Variants in PDE8B observed in about 807,000 individuals in gnomAD.
PDE8B encodes the protein high affinity cAMP-specific and IBMX-insensitive 3',5'-cyclic phosphodiesterase 8B.
Under a neutral mutation model 101.3 loss-of-function variants are expected in PDE8B, and 26 were observed. The ratio of observed to expected loss-of-function variants is 0.26; its 90% CI spans 0.19 to 0.36. The LOEUF (loss-of-function observed/expected upper bound fraction) is 0.36, where lower values mean the gene tolerates loss of function less well. Ranked by LOEUF, PDE8B falls within the 10% of genes least tolerant of loss-of-function variation. The probability of loss-of-function intolerance (pLI) is 1.00; values close to 1 mark genes in which losing one functional copy is unlikely to be tolerated. For missense variants in PDE8B, 810 were observed against 1,163.1 expected (o/e 0.70, Z 4.42); for synonymous variants, 424 against 429.3 (o/e 0.99, Z 0.15).
At chr5:77,363,746 G>A (rs1783590372) in intron 10 of PDE8B, among the ~76,000 whole-genome samples, 1 of 152,042 alleles carries the variant, frequency 6.6e-6, no homozygotes, top group South Asian at 2.1e-4. Flanking sequence ...GTCATTGTAG[G>A]GAGAGATCCT....
intron 1 of PDE8B, among the ~76,000 whole-genome samples, chr5:77,256,793 T>C (rs976448206): frequency 3.3e-5 from 5 of 152,198 alleles, no homozygotes; most frequent in African/African-American, 1.2e-4. Flanking sequence ...TATTACATTT[T>C]AGGAAAAAAT....
intron 1 of PDE8B, among the ~76,000 whole-genome samples, chr5:77,254,778 T>TA (rs1758767340): frequency 6.6e-6 from 1 of 152,222 alleles, no homozygotes; most frequent in Non-Finnish European, 1.5e-5. Context: ...TGAAATGTCT[T>TA]ATGTTTTCCT....
At chr5:77,278,619 G>A (rs1297482263) in intron 1 of PDE8B, among the ~76,000 whole-genome samples, 2 of 151,982 alleles carry the variant, frequency 1.3e-5, no homozygotes, top group Non-Finnish European at 2.9e-5. Context: ...ACAGGCACCT[G>A]CCACCACGCC....
the PDE8B span, among the ~76,000 whole-genome samples, chr5:77,135,624 G>A: frequency 2.6e-5 from 4 of 151,972 alleles, no homozygotes; most frequent in African/African-American, 7.2e-5. Context: ...TTACAGGCAC[G>A]CGCCACCATG....
intron 10 of PDE8B, among the ~76,000 whole-genome samples, chr5:77,388,497 G>C (rs532041261): frequency 6.6e-6 from 1 of 152,328 alleles, no homozygotes; most frequent in African/African-American, 2.4e-5. Flanking sequence ...TCCTGTATGA[G>C]GTGTCTGTCG....
chr5:77,349,451 C>T lies in PDE8B; in HGVS notation c.909C>T (p.Gly303=), dbSNP rs755570947. Residue 303 remains glycine, a synonymous_variant, in exon 8 of 22, where the codon GGC becomes GGT. Transcript: ENST00000264917. Reference sequence around the variant, plus strand: ...ACCCAGCCTTCGAAAGGATGATGGGCTACCACAAAGGTGAGCTCCTGGGAA... The same window carrying T: ...ACCCAGCCTTCGAAAGGATGATGGGTTACCACAAAGGTGAGCTCCTGGGAA... ...YVNPAFERMM[G]YHKGELLGKE... 1.1e-5 allele frequency: 18 copies of T among 1,614,172 alleles called. No homozygotes were observed. In the East Asian group the frequency reaches 4.0e-4, roughly 36 times the overall value.
intron 12 of PDE8B, 35 bp downstream of exon 12, chr5:77,404,832 A>C (rs200548305): frequency 7.7e-7 from 1 of 1,298,048 alleles, no homozygotes; most frequent in East Asian, 2.3e-5. Context: ...GACCTTTTTA[A>C]AATGTAGAAA....
At chr5:77,295,492 T>C (rs1324354357) in intron 1 of PDE8B, among the ~76,000 whole-genome samples, 1 of 152,180 alleles carries the variant, frequency 6.6e-6, no homozygotes, top group Non-Finnish European at 1.5e-5. Flanking sequence ...GAATACCATT[T>C]CTCCTCTGCT....
intron 1 of PDE8B, chr5:77,291,800 G>T: frequency 1.3e-6 from 2 of 1,567,584 alleles, no homozygotes; most frequent in Non-Finnish European, 1.8e-6. Context: ...TCAAGTTTCA[G>T]TAAAGGTGTT....
chr5:77,297,561 T>C (rs1196208817), intron 1 of PDE8B, among the ~76,000 whole-genome samples: 3 of 152,194 alleles, frequency 2.0e-5, no homozygotes, highest in Admixed American at 6.5e-5. Context: ...ACGGGGATCA[T>C]TGCAGGAACT....
chr5:77,144,431 G>A, the PDE8B span: 1 of 152,118 alleles, frequency 6.6e-6, no homozygotes, highest in Non-Finnish European at 1.5e-5. Context: ...GGCTCCAAAC[G>A]GTAAATACAG....
chr5:77,346,187 T>G (rs534058747), intron 7 of PDE8B, among the ~76,000 whole-genome samples: 34 of 152,330 alleles, frequency 2.2e-4, no homozygotes, highest in South Asian at 6.2e-4. Flanking sequence ...ATATGTTTTA[T>G]GGCTGCCCCG....
chr5:77,225,897 C>A (rs1275539549), intron 1 of PDE8B, among the ~76,000 whole-genome samples: 1 of 150,864 alleles, frequency 6.6e-6, no homozygotes, highest in South Asian at 2.1e-4. Flanking sequence ...GCACACATCT[C>A]AGAATACCAG....
the PDE8B span, among the ~76,000 whole-genome samples, chr5:77,104,088 C>T: frequency 1.3e-5 from 2 of 152,138 alleles, no homozygotes; most frequent in African/African-American, 4.8e-5. Context: ...GAGGAAGTAC[C>T]CTTCCTTCCC....
chr5:77,088,759 T>A, the PDE8B span: 1 of 152,216 alleles, frequency 6.6e-6, no homozygotes, highest in Admixed American at 6.6e-5. Flanking sequence ...GTGTCTGGAG[T>A]TTATACGGGT....
At chr5:77,134,399 C>T in the PDE8B span, 1 of 152,244 alleles carries the variant, frequency 6.6e-6, no homozygotes, top group Non-Finnish European at 1.5e-5. Flanking sequence ...TGCTTCTTGT[C>T]TCTACAACTC....
At chr5:77,415,378 G>GTTTT (rs1795326211) in intron 17 of PDE8B, among the ~76,000 whole-genome samples, 1 of 92,818 alleles carries the variant, frequency 1.1e-5, no homozygotes, top group Non-Finnish European at 2.1e-5. Context: ...TTTTTTTTGA[G>GTTTT]ATGAAGTCTC....
chr5:77,209,950 T>C (rs779158891), upstream of PDE8B, among the ~76,000 whole-genome samples: 2 of 152,188 alleles, frequency 1.3e-5, no homozygotes, highest in Non-Finnish European at 2.9e-5. Flanking sequence ...AATGGGCTTC[T>C]TCTGAAGACT....
At chr5:77,232,749 G>A (rs575954091) in intron 1 of PDE8B, among the ~76,000 whole-genome samples, 2 of 152,298 alleles carry the variant, frequency 1.3e-5, no homozygotes, top group Admixed American at 6.5e-5. Flanking sequence ...AATGATTTTC[G>A]AAGTGCTCTG....
Sources: gnomAD v4.1 joint callset for allele counts (sites outside exome capture counted in the v4.1 genomes callset) on GRCh38, gnomAD v4.1.1 for gene constraint, MANE v1.5 for transcripts, NCBI Gene and HGNC (gene_info 2026-07-23, HGNC 2026-07-21) for gene names.